Variants in PALD1 observed in about 807,000 individuals in gnomAD.
PALD1 encodes paladin.
Under a neutral mutation model 96.0 loss-of-function variants are expected in PALD1, and 57 were observed. That is an observed-to-expected ratio of 0.59 (90% CI 0.48 to 0.74). The LOEUF is 0.74. Among genes scored for constraint, PALD1 ranks in the 30% least tolerant of loss-of-function variants. The probability of loss-of-function intolerance (pLI) is 0.00; values close to 1 mark genes in which losing one functional copy is unlikely to be tolerated. For synonymous variants in PALD1, 464 were observed against 473.6 expected, an observed-to-expected ratio of 0.98 and a Z score of 0.26; for missense variants, 1,063 against 1,143.7, an observed-to-expected ratio of 0.93 and a Z score of 1.02.
chr10:70,494,054 C>T (rs757526215), intron 1 of PALD1, among the ~76,000 whole-genome samples: 3 of 152,158 alleles, frequency 2.0e-5, no homozygotes, highest in African/African-American at 7.2e-5. Flanking sequence ...TTGTCACAGC[C>T]GCACCGGCTA....
intron 12 of PALD1, 95 bp downstream of exon 12, chr10:70,538,503 C>A: frequency 1.5e-6 from 2 of 1,307,416 alleles, no homozygotes; most frequent in Non-Finnish European, 2.1e-6. Flanking sequence ...TAAGCATTGC[C>A]CTTGCAGGAG....
chr10:70,459,935 C>T, the PALD1 span, among the ~76,000 whole-genome samples: 1 of 152,218 alleles, frequency 6.6e-6, no homozygotes, highest in Admixed American at 6.5e-5. Flanking sequence ...CTACACTCCC[C>T]GCTTCACGGT....
intron 1 of PALD1, among the ~76,000 whole-genome samples, chr10:70,488,957 G>A (rs1034505964): frequency 1.7e-4 from 25 of 151,190 alleles, no homozygotes; most frequent in African/African-American, 4.9e-4. Flanking sequence ...GGGGTTCTGG[G>A]CGGATGTGTC....
Position 70,520,685 on chromosome 10 carries a change from C to CTTTTTT in PALD1, c.-29-5220_-29-5215dup, listed in dbSNP as rs10545684. 1.5e-3 allele frequency among the ~76,000 whole-genome samples: 131 copies of CTTTTTT among 87,666 alleles called. 1 individual carries two copies. The highest frequency in any genetic ancestry group is 0.011 in the East Asian group (26 of 2,342). 57.5% of individuals were successfully genotyped at this position (87,666 alleles called of 152,430 possible). A position where few individuals can be genotyped will look rare whatever the true frequency, so the allele number is the denominator to read the frequency against. On this transcript the variant is annotated intron_variant, in intron 1 of 19. Transcript: ENST00000263563. ...TCAGTTTCTTTTCTTTTCTTTCTTT[C>CTTTTTT]TTTTTTTTTTTTTTTTTTTTTTTGC...
chr10:70,459,247 A>T, the PALD1 span, among the ~76,000 whole-genome samples: 2 of 152,158 alleles, frequency 1.3e-5, no homozygotes, highest in Non-Finnish European at 2.9e-5. Context: ...CCCTTTTCAG[A>T]TGAGGAACCG....
rs1197736588 is a variant in PALD1, at chr10:70,547,410, C to T, written c.2226C>T (p.Tyr742=). Residue 742 remains tyrosine, a synonymous_variant, in exon 18 of 20, where the codon TAC becomes TAT. Coordinates refer to ENST00000263563, the MANE Select transcript of PALD1 (RefSeq NM_014431.3). The part of the protein sequence containing the change: ...TVSETMTPMH[Y]HLREIIICTY... Reference sequence around the variant, plus strand: ...GCGAGACCATGACGCCCATGCACTACCACCTGCGGGAGATCATCATCTGCA... The same window carrying T: ...GCGAGACCATGACGCCCATGCACTATCACCTGCGGGAGATCATCATCTGCA... The T allele has an allele frequency of 3.1e-6, 5 of 1,612,634 alleles. No individual in the cohort carries two copies. The South Asian group carries it at 4.4e-5, about 14-fold the overall frequency.
chr10:70,550,313 G>A (rs915363205), intron 18 of PALD1, among the ~76,000 whole-genome samples: 1 of 152,084 alleles, frequency 6.6e-6, no homozygotes. Flanking sequence ...TCTAAGCAGC[G>A]GCCCCCAGCT....
chr10:70,516,141 A>AT (rs1846615001), intron 1 of PALD1, among the ~76,000 whole-genome samples: 1 of 151,864 alleles, frequency 6.6e-6, no homozygotes, highest in African/African-American at 2.4e-5. Flanking sequence ...CTTTATTTTT[A>AT]TTTTTTTGAG....
upstream of PALD1, among the ~76,000 whole-genome samples, chr10:70,475,519 T>C (rs536037224): frequency 5.1e-4 from 77 of 151,108 alleles, no homozygotes; most frequent in Non-Finnish European, 9.4e-4. Context: ...TGTTGTCCAC[T>C]CCTCAGGTCC....
intron 1 of PALD1, among the ~76,000 whole-genome samples, 156 bp downstream of exon 1, chr10:70,479,215 C>T (rs973788045): frequency 3.3e-5 from 5 of 152,192 alleles, no homozygotes; most frequent in Non-Finnish European, 5.9e-5. Flanking sequence ...GGATTGGTCC[C>T]TGGGAGGCAA....
At chr10:70,488,871 A>G (rs889771035) in intron 1 of PALD1, among the ~76,000 whole-genome samples, 1 of 148,576 alleles carries the variant, frequency 6.7e-6, no homozygotes, top group Non-Finnish European at 1.5e-5. Context: ...GGGTGGATGT[A>G]TTCTGCTGCT....
In PALD1 at chr10:70,480,167, G is replaced by T. The variant is rs112047945; in HGVS notation, c.-30+1108G>T. The stretch of plus-strand genomic sequence containing the variant: ...AGGGAGCAGCAGGGGCGCTGAGGAG[G>T]TTCTCCTGCACTCATCCCCACCCAC... On this transcript the variant is annotated intron_variant, in intron 1 of 19. Coordinates refer to ENST00000263563, the MANE Select transcript of PALD1 (RefSeq NM_014431.3). 3.7e-3 allele frequency among the ~76,000 whole-genome samples: 557 copies of T among 152,314 alleles called. 1 individual carries two copies. Among genetic ancestry groups the T allele is most frequent in the African/African-American group, 0.013 (527 of 41,564 alleles).
At chr10:70,532,962 C>T (rs1303806104) in intron 6 of PALD1, 33 bp from the exon 7 acceptor site, 16 of 1,557,234 alleles carry the variant, frequency 1.0e-5, no homozygotes, top group African/African-American at 9.5e-5. Context: ...AGAGTGGGTG[C>T]CTGCCTGATG....
chr10:70,505,241 C>T (rs1846361882), intron 1 of PALD1, among the ~76,000 whole-genome samples: 1 of 152,240 alleles, frequency 6.6e-6, no homozygotes, highest in African/African-American at 2.4e-5. Flanking sequence ...TTATTATTGG[C>T]AACAAATTAA....
chr10:70,473,913 A>T (rs12573363), upstream of PALD1, among the ~76,000 whole-genome samples: 13,937 of 151,472 alleles, frequency 0.092, 882 homozygotes, highest in South Asian at 0.23. Flanking sequence ...TCAGCCTCCC[A>T]AAGTGTTGGG....
chr10:70,533,039 C>T lies in PALD1; in HGVS notation c.839C>T (p.Ala280Val). The T allele has an allele frequency of 6.3e-7, 1 of 1,585,748 alleles. No homozygotes were observed. ...PLPEQGSPLE[A>V]QLDAFVSVLR... ...CCCGAGCAAGGGAGTCCCCTGGAGG[C>T]CCAGTTGGACGCCTTTGTCAGTGTT... is the stretch of plus-strand genomic sequence containing the variant. Residue 280 changes from alanine (A) to valine (V), a missense_variant, in exon 7 of 20, where the codon GCC (alanine) becomes GTC (valine). Physicochemically the swap from Ala to Val is moderately conservative, Grantham distance 64 (BLOSUM62 0). Transcript: ENST00000263563.
intron 18 of PALD1, among the ~76,000 whole-genome samples, chr10:70,553,047 G>A (rs1262034803): frequency 6.6e-6 from 1 of 152,162 alleles, no homozygotes; most frequent in Non-Finnish European, 1.5e-5. Context: ...CAGTGTGGCC[G>A]GAATGGTTAC....
At position 70,567,134 on chromosome 10, in the gene PALD1, A is replaced by C. The variant is rs1589225013; in HGVS notation, c.*401A>C. ...CCTGGCAGCCCCTGGCACAGAGCAG[A>C]CCCGGCCACTGGTAGCTCCCCACTT... On this transcript the variant is annotated 3_prime_UTR_variant, in exon 20 of 20. Transcript: ENST00000263563. 5.6e-6 allele frequency: 1 copy of C among 179,972 alleles called. No homozygotes were observed. Among genetic ancestry groups the C allele is most frequent in the Admixed American group, 6.2e-5 (1 of 16,096 alleles). The allele number at this position is 179,972 out of a possible 1,614,324, so 11.1% of individuals were successfully genotyped here. A position where few individuals can be genotyped will look rare whatever the true frequency, so the allele number is the denominator to read the frequency against.
At chr10:70,547,539 A>G in intron 18 of PALD1, 93 bp downstream of exon 18, 1 of 877,472 alleles carries the variant, frequency 1.1e-6, no homozygotes, top group Non-Finnish European at 1.7e-6. Flanking sequence ...TGGGGTTGCT[A>G]GGGGTCCTAG....
Sources: allele counts gnomAD v4.1 joint callset (sites outside exome capture counted in the v4.1 genomes callset), GRCh38; gene constraint gnomAD v4.1.1; transcripts MANE v1.5; gene names NCBI Gene and HGNC (gene_info 2026-07-23, HGNC 2026-07-21).